Variants in IGSF10 observed in about 807,000 individuals in gnomAD.
The protein encoded by IGSF10 is calvaria mechanical force protein 608.
IGSF10 carries 126 observed loss-of-function variants against 128.2 expected under a neutral mutation model. The observed-to-expected ratio is 0.98, with a 90% confidence interval of 0.85 to 1.14. The LOEUF (loss-of-function observed/expected upper bound fraction) is 1.14, where lower values mean the gene tolerates loss of function less well. Ranked by LOEUF, IGSF10 falls within the 50% of genes most tolerant of loss-of-function variation. The pLI, the probability that IGSF10 is intolerant of heterozygous loss-of-function variation, is 0.00. For missense variants in IGSF10, 3,295 were observed against 3,149.8 expected, an observed-to-expected ratio of 1.05 and a Z score of -1.10; for synonymous variants, 1,185 against 1,146.2, an observed-to-expected ratio of 1.03 and a Z score of -0.68.
In IGSF10 at chr3:151,446,508, A is replaced by G; in HGVS notation, c.3473T>C (p.Val1158Ala). ...AGACACACGTGGGTAACTGGCGTTT[A>G]CTTTGTGAGTTTTTTCCATGGGTAT... ...TSIPMEKTHK[V>A]NASYPRVSST... The change falls in exon 6 of 8, where the codon GTA (valine) becomes GCA (alanine). Residue 1158 changes from valine (V) to alanine (A), a missense_variant. Transcript: ENST00000282466. The G allele has an allele frequency of 6.2e-7, 1 of 1,614,060 alleles. No homozygotes were observed. Among genetic ancestry groups the G allele is most frequent in the Non-Finnish European group, 8.5e-7 (1 of 1,180,002 alleles).
At chr3:151,553,608 C>T in the IGSF10 span, among the ~76,000 whole-genome samples, 1 of 148,978 alleles carries the variant, frequency 6.7e-6, no homozygotes, top group Admixed American at 6.7e-5. Context: ...CTCTCTCTCT[C>T]TCTGTGTCTC....
intron 7 of IGSF10, among the ~76,000 whole-genome samples, chr3:151,442,547 A>ATTTTTTTT (rs3975406): frequency 0.51 from 63,138 of 124,580 alleles, 17,144 homozygotes; most frequent in East Asian, 0.61. Flanking sequence ...TGCCCGGCTA[A>ATTTTTTTT]TTTTTTTTTT....
At chr3:151,487,100 G>T in the IGSF10 span, among the ~76,000 whole-genome samples, 1 of 151,734 alleles carries the variant, frequency 6.6e-6, no homozygotes, top group Non-Finnish European at 1.5e-5. Flanking sequence ...TAATGAAGAA[G>T]AAAGGAAAGA....
chr3:151,445,030 C>T lies in IGSF10; in HGVS notation c.4951G>A (p.Val1651Ile). ...SRYIFEKPRI[V>I]GGKAASFTIP... The stretch of plus-strand genomic sequence containing the variant: ...GTAAAACTTGCAGCTTTTCCTCCAA[C>T]TATCCTGGGCTTTTCAAATATATAC... The change falls in exon 6 of 8, where the codon GTT (valine) becomes ATT (isoleucine). Residue 1651 changes from valine (V) to isoleucine (I), a missense_variant. By Grantham distance (29) the Val-to-Ile change is conservative (BLOSUM62 3). Coordinates refer to ENST00000282466, the MANE Select transcript of IGSF10 (RefSeq NM_178822.5). The T allele has an allele frequency of 6.2e-7, 1 of 1,614,244 alleles. No individual in the cohort carries two copies.
chr3:151,572,787 C>T, the IGSF10 span, among the ~76,000 whole-genome samples: 1 of 152,006 alleles, frequency 6.6e-6, no homozygotes, highest in African/African-American at 2.4e-5. Flanking sequence ...GCTCTTGCTT[C>T]TCTAGTTCTT....
chr3:151,446,263 G>C lies in IGSF10; in HGVS notation c.3718C>G (p.Pro1240Ala). The C allele has an allele frequency of 6.2e-7, 1 of 1,614,000 alleles. No homozygotes were observed. Among genetic ancestry groups the C allele is most frequent in the Non-Finnish European group, 8.5e-7 (1 of 1,179,860 alleles). Residue 1240 changes from proline to alanine, a missense_variant, in exon 6 of 8, where the codon CCT (proline) becomes GCT (alanine). By Grantham distance (27) the Pro-to-Ala change is conservative. Transcript: ENST00000282466. ...STAVMLPKTS[P>A]ALPRDKVSPF... ...GAGACTTTGTCTCTGGGTAAAGCAG[G>C]AGATGTTTTAGGAAGCATCACAGCT... is the stretch of plus-strand genomic sequence containing the variant.
chr3:151,590,755 G>A, the IGSF10 span, among the ~76,000 whole-genome samples: 1 of 152,048 alleles, frequency 6.6e-6, no homozygotes, highest in Non-Finnish European at 1.5e-5. Context: ...ACAGAAGGAG[G>A]GTAATGCAAC....
Position 151,446,422 on chromosome 3 carries a change from T to G in IGSF10, c.3559A>C (p.Lys1187Gln), listed in dbSNP as rs760398232. Residue 1187 changes from lysine to glutamine, a missense_variant, in exon 6 of 8, where the codon AAG becomes CAG. By Grantham distance (53) the Lys-to-Gln change is moderately conservative (BLOSUM62 1). Transcript: ENST00000282466. ...ATGGCTATAATAGTCATTGGTGGCTTGGTGATAGCACCTGAAAGTGACGAT... is the reference window on the plus strand; with the variant it reads ...ATGGCTATAATAGTCATTGGTGGCTGGGTGATAGCACCTGAAAGTGACGAT... ...ITSSLSGAIT[K>Q]PPMTIIAITR... 4 of 1,614,134 alleles carry G rather than the reference T, an allele frequency of 2.5e-6. No homozygotes were observed. Among genetic ancestry groups the G allele is most frequent in the East Asian group, 2.2e-5 (1 of 44,888 alleles).
At chr3:151,582,823 C>A in the IGSF10 span, among the ~76,000 whole-genome samples, 3 of 152,292 alleles carry the variant, frequency 2.0e-5, no homozygotes, top group East Asian at 3.9e-4. Flanking sequence ...TTCTCAAAAT[C>A]AGGGGAATTT....
chr3:151,588,401 A>C, the IGSF10 span, among the ~76,000 whole-genome samples: 1 of 152,146 alleles, frequency 6.6e-6, no homozygotes, highest in Non-Finnish European at 1.5e-5. Flanking sequence ...GTCTGCCATA[A>C]CTGAATTCCA....
chr3:151,552,361 C>G, the IGSF10 span, among the ~76,000 whole-genome samples: 10 of 152,106 alleles, frequency 6.6e-5, no homozygotes, highest in African/African-American at 2.4e-4. Flanking sequence ...ACAGCCAATA[C>G]GTACAGAGAC....
At chr3:151,548,375 C>T in the IGSF10 span, among the ~76,000 whole-genome samples, 1 of 152,182 alleles carries the variant, frequency 6.6e-6, no homozygotes, top group African/African-American at 2.4e-5. Context: ...ATCTGTCCGT[C>T]ATCTCTAGTT....
At chr3:151,604,230 C>T in the IGSF10 span, among the ~76,000 whole-genome samples, 16 of 152,040 alleles carry the variant, frequency 1.1e-4, no homozygotes, top group East Asian at 2.9e-3. Context: ...GAGTCTGATA[C>T]TAAATCTGTC....
the IGSF10 span, among the ~76,000 whole-genome samples, chr3:151,581,783 A>G: frequency 6.6e-6 from 1 of 152,240 alleles, no homozygotes; most frequent in Non-Finnish European, 1.5e-5. Flanking sequence ...GAATATAGCC[A>G]TTATTGGCTG....
Position 151,446,892 on chromosome 3 carries a change from A to T in IGSF10, c.3089T>A (p.Val1030Asp). The T allele has an allele frequency of 6.2e-7, 1 of 1,614,134 alleles. No individual in the cohort carries two copies. The change falls in exon 6 of 8, where the codon GTT (valine) becomes GAT (aspartate). Residue 1030 changes from valine (V) to aspartate (D), a missense_variant. Transcript: ENST00000282466. ...GRIISPYRTPVLRRHRYSIFR... is the reference protein window; with the variant it reads ...GRIISPYRTPDLRRHRYSIFR... ...AATGCTGTATCTATGCCGTCGCAGA[A>T]CTGGAGTTCTATATGGGCTGATAAT...
At chr3:151,593,610 G>A in the IGSF10 span, among the ~76,000 whole-genome samples, 1 of 151,746 alleles carries the variant, frequency 6.6e-6, no homozygotes, top group Non-Finnish European at 1.5e-5. Context: ...TGAAGACAAA[G>A]GCATATTTCT....
At chr3:151,573,910 G>A in the IGSF10 span, among the ~76,000 whole-genome samples, 1 of 152,158 alleles carries the variant, frequency 6.6e-6, no homozygotes, top group Non-Finnish European at 1.5e-5. Context: ...AGGAGCTCTT[G>A]TAAGGGAGGC....
chr3:151,616,905 A>G, the IGSF10 span, among the ~76,000 whole-genome samples: 1 of 152,156 alleles, frequency 6.6e-6, no homozygotes. Flanking sequence ...GGCATCTGGT[A>G]AGGGCCTTTT....
Position 151,447,216 on chromosome 3 carries a change from A to G in IGSF10, c.2765T>C (p.Ile922Thr). The G allele has an allele frequency of 6.2e-7, 1 of 1,614,128 alleles. No individual in the cohort carries two copies. Among genetic ancestry groups the G allele is most frequent in the East Asian group, 2.2e-5 (1 of 44,878 alleles). The change falls in exon 6 of 8, where the codon ATA becomes ACA. Residue 922 changes from isoleucine to threonine, a missense_variant. By Grantham distance (89) the Ile-to-Thr change is moderately conservative (BLOSUM62 -1). Transcript: ENST00000282466. ...ATCTTTGATCATAGTCCTTACTGTTATTGGGGGTCTACTTTGGAAATGCTC... is the reference window on the plus strand; with the variant it reads ...ATCTTTGATCATAGTCCTTACTGTTGTTGGGGGTCTACTTTGGAAATGCTC... The part of the protein sequence containing the change: ...GREHFQSRPP[I>T]TVRTMIKDVN...
Sources: allele counts gnomAD v4.1 joint callset (sites outside exome capture counted in the v4.1 genomes callset), GRCh38; gene constraint gnomAD v4.1.1; transcripts MANE v1.5; gene names NCBI Gene and HGNC (gene_info 2026-07-23, HGNC 2026-07-21).